The following ATXN7L1 variants were observed in gnomAD, a reference collection of about 807,000 sequenced individuals.
The protein encoded by ATXN7L1 is ataxin-7-like protein 1.
A neutral mutation model predicts 70.8 loss-of-function variants in ATXN7L1; 15 were observed. That is an observed-to-expected ratio of 0.21 (90% CI 0.14 to 0.33). ATXN7L1 has a LOEUF of 0.33. ATXN7L1 is among the 10% of genes least tolerant of loss of function. The probability of loss-of-function intolerance (pLI) is 1.00; values close to 1 mark genes in which losing one functional copy is unlikely to be tolerated. For synonymous variants in ATXN7L1, 440 were observed against 445.1 expected, an observed-to-expected ratio of 0.99 and a Z score of 0.14; for missense variants, 975 against 1,097.1, an observed-to-expected ratio of 0.89 and a Z score of 1.57.
In ATXN7L1 at chr7:105,875,917, G is replaced by GA. The variant is rs761565908; in HGVS notation, c.182-38dup. 6.9e-6 allele frequency: 11 copies of GA among 1,592,334 alleles called. No homozygotes were observed. The South Asian group carries it at 1.0e-4, about 14-fold the overall frequency. ...AAAGAAAAGGAAAACAGAAAATAAG[G>GA]AAAAAAGGGGGGAAAAAAGCCAAAG... On this transcript the variant is annotated intron_variant, in intron 1 of 11. Transcript: ENST00000419735.
intron 2 of ATXN7L1, among the ~76,000 whole-genome samples, chr7:105,791,172 G>A (rs917094886): frequency 6.6e-6 from 1 of 152,212 alleles, no homozygotes; most frequent in Non-Finnish European, 1.5e-5. Flanking sequence ...CTGCCTGGAG[G>A]CAGGTGACTC....
intron 4 of ATXN7L1, among the ~76,000 whole-genome samples, chr7:105,662,737 C>T (rs1023485418): frequency 6.6e-6 from 1 of 152,180 alleles, no homozygotes; most frequent in Non-Finnish European, 1.5e-5. Context: ...TTTATCTTCA[C>T]TCTGAGTCTG....
At chr7:105,777,761 G>A (rs1802941165) in intron 3 of ATXN7L1, among the ~76,000 whole-genome samples, 1 of 152,180 alleles carries the variant, frequency 6.6e-6, no homozygotes, top group Non-Finnish European at 1.5e-5. Context: ...ACAGAAACCA[G>A]ATTATGCCTT....
At position 105,606,532 on chromosome 7, in the gene ATXN7L1, A is replaced by G. The variant is rs887175055; in HGVS notation, c.*1320T>C. On this transcript the variant is annotated 3_prime_UTR_variant, in exon 12 of 12. Coordinates refer to ENST00000419735, the MANE Select transcript of ATXN7L1 (RefSeq NM_020725.2). ...ATTAATAGCACAGAACACCTATTTT[A>G]TGTTGTGAATTCCTTTCCTGATTAT... 1 of 152,226 alleles carries G rather than the reference A, an allele frequency of 6.6e-6. No individual in the cohort carries two copies. Among genetic ancestry groups the G allele is most frequent in the Non-Finnish European group, 1.5e-5 (1 of 68,042 alleles). 9.4% of individuals were successfully genotyped at this position (152,226 alleles called of 1,614,324 possible).
intron 3 of ATXN7L1, among the ~76,000 whole-genome samples, chr7:105,716,423 G>A (rs1354069061): frequency 1.3e-5 from 2 of 151,958 alleles, no homozygotes; most frequent in Non-Finnish European, 2.9e-5. Context: ...TTATATGGGG[G>A]CCCAGTTGTT....
chr7:105,660,576 CTTTT>C (rs34008024), intron 4 of ATXN7L1, among the ~76,000 whole-genome samples: 2 of 78,142 alleles, frequency 2.6e-5, no homozygotes, highest in African/African-American at 5.3e-5. Flanking sequence ...CGGAAGTGAC[CTTTT>C]TTTTTTTTTT....
chr7:105,806,015 G>A (rs1178498221), intron 2 of ATXN7L1, among the ~76,000 whole-genome samples: 1 of 152,158 alleles, frequency 6.6e-6, no homozygotes, highest in Non-Finnish European at 1.5e-5. Context: ...GCTGCTGCAG[G>A]GTCTGGGGCT....
chr7:105,649,676 T>C, intron 4 of ATXN7L1: 1 of 680,972 alleles, frequency 1.5e-6, no homozygotes, highest in Non-Finnish European at 1.8e-6. Flanking sequence ...TGATCTATAT[T>C]CTTTGATTAT....
chr7:105,615,584 C>A (rs758064794), intron 9 of ATXN7L1, among the ~76,000 whole-genome samples: 12 of 152,196 alleles, frequency 7.9e-5, no homozygotes, highest in Non-Finnish European at 1.3e-4. Context: ...TCTACCTTAG[C>A]TCTTGCTCAG....
chr7:105,837,010 G>A (rs967462188), intron 2 of ATXN7L1, among the ~76,000 whole-genome samples: 3 of 152,180 alleles, frequency 2.0e-5, no homozygotes, highest in Admixed American at 2.0e-4. Context: ...TACTGACATT[G>A]CTCGGCTTCT....
chr7:105,690,090 C>A (rs745321756), intron 3 of ATXN7L1, among the ~76,000 whole-genome samples: 2 of 152,202 alleles, frequency 1.3e-5, no homozygotes, highest in Non-Finnish European at 2.9e-5. Context: ...CAGCAACCTC[C>A]GCCTCCTGGG....
chr7:105,747,343 C>G (rs1311463908), intron 3 of ATXN7L1, among the ~76,000 whole-genome samples: 1 of 152,152 alleles, frequency 6.6e-6, no homozygotes, highest in Non-Finnish European at 1.5e-5. Flanking sequence ...CGGAGAACTT[C>G]TGGATAGCTG....
At chr7:105,645,840 CAAACA>C (rs1798927849) in intron 4 of ATXN7L1, among the ~76,000 whole-genome samples, 2 of 150,520 alleles carry the variant, frequency 1.3e-5, no homozygotes, top group Non-Finnish European at 3.0e-5. Context: ...AACAAACAAA[CAAACA>C]AACAAACAGA....
Position 105,875,852 on chromosome 7 carries a change from C to G in ATXN7L1, c.210G>C (p.Glu70Asp), listed in dbSNP as rs1187171395. 1 of 1,613,832 alleles carries G rather than the reference C, an allele frequency of 6.2e-7. No homozygotes were observed. Among genetic ancestry groups the G allele is most frequent in the Admixed American group, 1.7e-5 (1 of 60,010 alleles). ...TCATAACCTCCCTGCTTTTTCCACC[C>G]TCTTTTCCAGCCTCTTCTAAATCTA... ...DNVDLEEAGK[E>D]GGKSREVMRL... The change falls in exon 2 of 12, where the codon GAG (glutamate) becomes GAC (aspartate). Residue 70 changes from glutamate (E) to aspartate (D), a missense_variant. Glu to Asp is a conservative substitution (Grantham distance 45). Around this residue, in one of 5 missense-constraint regions of ATXN7L1, gnomAD observed 135 missense variants for 132.6 expected, o/e 1.02. Transcript: ENST00000419735.
intron 3 of ATXN7L1, among the ~76,000 whole-genome samples, chr7:105,773,625 A>G (rs1330927361): frequency 6.6e-6 from 1 of 152,180 alleles, no homozygotes; most frequent in Admixed American, 6.5e-5. Flanking sequence ...AGGCCCAGGT[A>G]TCTCAGGAAA....
rs146058328 is a variant in ATXN7L1, at chr7:105,743,486, A to G, written c.355+45118T>C. ...TCGGTTGCATAAGGAGGCAGTTTAC[A>G]GGACTCTAACAATCACTGTCACCTC... On this transcript the variant is annotated intron_variant, in intron 3 of 11. Transcript: ENST00000419735. 2.4e-3 allele frequency among the ~76,000 whole-genome samples: 368 copies of G among 152,326 alleles called. 7 individuals are homozygous for G. The highest frequency in any genetic ancestry group is 0.019 in the Admixed American group (291 of 15,304).
chr7:105,677,716 T>C (rs1005267021), intron 3 of ATXN7L1, among the ~76,000 whole-genome samples: 7 of 152,238 alleles, frequency 4.6e-5, no homozygotes, highest in Non-Finnish European at 7.3e-5. Context: ...CTTTCCTCAG[T>C]AGGCAGTTCT....
intron 3 of ATXN7L1, among the ~76,000 whole-genome samples, chr7:105,774,645 C>T (rs1354747738): frequency 6.6e-6 from 1 of 152,088 alleles, no homozygotes; most frequent in African/African-American, 2.4e-5. Context: ...AACCACCGCG[C>T]CCGGCCCCGC....
chr7:105,695,946 A>G (rs1336009991), intron 3 of ATXN7L1, among the ~76,000 whole-genome samples: 2 of 152,100 alleles, frequency 1.3e-5, no homozygotes, highest in Non-Finnish European at 2.9e-5. Flanking sequence ...GGATGAATAG[A>G]GGTGTTTGTC....
Sources: gnomAD v4.1 joint callset for allele counts (sites outside exome capture counted in the v4.1 genomes callset) on GRCh38, gnomAD v4.1.1 for gene constraint, gnomAD v4.1.1 regional missense constraint, MANE v1.5 for transcripts, NCBI Gene and HGNC (gene_info 2026-07-23, HGNC 2026-07-21) for gene names.